CTNNA3: variants seen among roughly 807,000 people sequenced by gnomAD.
CTNNA3 encodes catenin alpha-3.
In CTNNA3, 76 loss-of-function variants were observed where a neutral mutation model predicts 95.7. The ratio of observed to expected loss-of-function variants is 0.79; its 90% confidence interval spans 0.66 to 0.96. CTNNA3 has a LOEUF of 0.96. Among genes scored for constraint, CTNNA3 ranks in the 40% least tolerant of loss-of-function variants. CTNNA3 has a pLI of 0.00. For synonymous variants in CTNNA3, 431 were observed against 374.4 expected, an observed-to-expected ratio of 1.15 and a Z score of -1.74; for missense variants, 1,191 against 1,089.8, an observed-to-expected ratio of 1.09 and a Z score of -1.31.
chr10:67,363,080 G>C (rs1257359937), intron 5 of CTNNA3, among the ~76,000 whole-genome samples: 1 of 151,842 alleles, frequency 6.6e-6, no homozygotes, highest in Non-Finnish European at 1.5e-5. Flanking sequence ...TCTCTACAAG[G>C]AGATCTACAA....
At chr10:66,250,526 CAT>C (rs937476577) in intron 13 of CTNNA3, among the ~76,000 whole-genome samples, 2 of 152,280 alleles carry the variant, frequency 1.3e-5, no homozygotes, top group Admixed American at 1.3e-4. Flanking sequence ...CAAAGTATCT[CAT>C]GTGCCCTATA....
At chr10:67,712,391 G>A (rs1381540445) in intron 1 of CTNNA3, among the ~76,000 whole-genome samples, 1 of 152,188 alleles carries the variant, frequency 6.6e-6, no homozygotes. Context: ...ATGTCTCCAA[G>A]GCATACCAGA....
intron 7 of CTNNA3, among the ~76,000 whole-genome samples, chr10:67,096,964 G>T (rs537563302): frequency 7.9e-5 from 12 of 152,010 alleles, no homozygotes; most frequent in Non-Finnish European, 1.6e-4. Flanking sequence ...GAAGTCATGG[G>T]TAAGAATAGC....
At chr10:66,350,610 G>GA (rs5785755) in intron 12 of CTNNA3, among the ~76,000 whole-genome samples, 61,196 of 141,886 alleles carry the variant, frequency 0.43, 14,598 homozygotes, top group Non-Finnish European at 0.55. Flanking sequence ...AGGGGCTCCT[G>GA]AAAAAAAAAA....
intron 7 of CTNNA3, among the ~76,000 whole-genome samples, chr10:66,917,486 A>G (rs138265476): frequency 1.3e-5 from 2 of 152,378 alleles, no homozygotes; most frequent in East Asian, 3.9e-4. Flanking sequence ...CTTCATTGCA[A>G]ACTATGCAGG....
At chr10:66,017,962 T>C (rs1025143091) in intron 15 of CTNNA3, among the ~76,000 whole-genome samples, 3 of 151,998 alleles carry the variant, frequency 2.0e-5, no homozygotes, top group Admixed American at 6.6e-5. Flanking sequence ...CATAGTGAGG[T>C]ATATGAAAGC....
At chr10:67,015,526 C>T (rs969377954) in intron 7 of CTNNA3, 4 of 152,136 alleles carry the variant, frequency 2.6e-5, no homozygotes, top group Admixed American at 2.6e-4. Flanking sequence ...AAATTGAAAG[C>T]CAACCTTTAT....
intron 7 of CTNNA3, among the ~76,000 whole-genome samples, chr10:66,804,956 G>A (rs1278947100): frequency 6.6e-6 from 1 of 152,040 alleles, no homozygotes; most frequent in Non-Finnish European, 1.5e-5. Context: ...CTAAATGTTT[G>A]TGCAAATAAT....
At chr10:67,632,950 A>G (rs1839193182) in intron 2 of CTNNA3, among the ~76,000 whole-genome samples, 1 of 152,224 alleles carries the variant, frequency 6.6e-6, no homozygotes, top group South Asian at 2.1e-4. Flanking sequence ...AATTCCAGCC[A>G]GCCAATGGCA....
At chr10:66,091,408 T>G (rs984104955) in intron 14 of CTNNA3, among the ~76,000 whole-genome samples, 2 of 151,892 alleles carry the variant, frequency 1.3e-5, no homozygotes, top group Non-Finnish European at 2.9e-5. Flanking sequence ...CCCCAAATTT[T>G]CTGCACAGGT....
intron 1 of CTNNA3, among the ~76,000 whole-genome samples, chr10:67,759,591 C>A (rs1049795979): frequency 1.2e-4 from 19 of 152,140 alleles, no homozygotes; most frequent in African/African-American, 4.1e-4. Context: ...AGATTCCCAC[C>A]CCTGCTGTTA....
At chr10:66,789,469 G>C (rs77335551) in intron 7 of CTNNA3, among the ~76,000 whole-genome samples, 36,765 of 151,990 alleles carry the variant, frequency 0.24, 5,101 homozygotes, top group African/African-American at 0.38. Flanking sequence ...GCCACTGTGC[G>C]CGGCCACCTT....
intron 7 of CTNNA3, among the ~76,000 whole-genome samples, chr10:67,018,354 C>T (rs1365726680): frequency 6.6e-6 from 1 of 152,168 alleles, no homozygotes; most frequent in Non-Finnish European, 1.5e-5. Context: ...CTTCACCCAA[C>T]TTTTTAAAGG....
intron 7 of CTNNA3, among the ~76,000 whole-genome samples, chr10:66,883,774 T>G (rs1844933340): frequency 1.3e-5 from 2 of 152,126 alleles, no homozygotes; most frequent in South Asian, 4.1e-4. Context: ...ATTATTTTAG[T>G]TTAGTTAGCA....
At chr10:67,462,831 A>C (rs1023383211) in intron 5 of CTNNA3, among the ~76,000 whole-genome samples, 2 of 152,302 alleles carry the variant, frequency 1.3e-5, no homozygotes, top group Non-Finnish European at 2.9e-5. Flanking sequence ...TCACTAACAC[A>C]GAGTTTTCTT....
intron 1 of CTNNA3, among the ~76,000 whole-genome samples, chr10:67,710,442 G>C (rs1360405367): frequency 6.6e-6 from 1 of 152,142 alleles, no homozygotes; most frequent in Non-Finnish European, 1.5e-5. Context: ...GTTAATTCTG[G>C]GACAGGAATG....
chr10:67,231,125 C>A (rs549300621), intron 5 of CTNNA3, among the ~76,000 whole-genome samples: 3,004 of 152,290 alleles, frequency 0.02, 103 homozygotes, highest in African/African-American at 0.066. Flanking sequence ...CCCAGGCCTG[C>A]TTAGGTAAAC....
chr10:66,937,665 G>A (rs1847783425), intron 7 of CTNNA3, among the ~76,000 whole-genome samples: 1 of 152,078 alleles, frequency 6.6e-6, no homozygotes, highest in Non-Finnish European at 1.5e-5. Flanking sequence ...ACAAAGCCCA[G>A]CTACAACCAC....
intron 7 of CTNNA3, among the ~76,000 whole-genome samples, chr10:67,144,978 T>C (rs781341701): frequency 3.9e-5 from 6 of 152,128 alleles, no homozygotes; most frequent in African/African-American, 7.2e-5. Flanking sequence ...CTTCCTTTCA[T>C]TGAATACTTA....
Sources: gnomAD v4.1 joint callset for allele counts (sites outside exome capture counted in the v4.1 genomes callset) on GRCh38, gnomAD v4.1.1 for gene constraint, MANE v1.5 for transcripts, NCBI Gene and HGNC (gene_info 2026-07-23, HGNC 2026-07-21) for gene names.